Variants in DPP6 observed in about 807,000 individuals in gnomAD.
The protein encoded by DPP6 is A-type potassium channel modulatory protein DPP6.
DPP6 carries 69 observed loss-of-function variants against 122.6 expected under a neutral mutation model. The observed-to-expected ratio is 0.56, with a 90% CI of 0.46 to 0.69. The LOEUF (loss-of-function observed/expected upper bound fraction) is 0.69. Among genes scored for constraint, DPP6 ranks in the 30% least tolerant of loss-of-function variants. The probability of loss-of-function intolerance (pLI) is 0.00; values close to 1 mark genes in which losing one functional copy is unlikely to be tolerated. For synonymous variants in DPP6, 418 were observed against 433.1 expected (o/e 0.97, Z 0.43); for missense variants, 928 against 1,116.9 (o/e 0.83, Z 2.41).
intron 1 of DPP6, among the ~76,000 whole-genome samples, chr7:154,099,155 A>C (rs7357236): frequency 0.063 from 9,539 of 152,226 alleles, 889 homozygotes; most frequent in African/African-American, 0.22. Flanking sequence ...GACTCAGTGG[A>C]AAATAGAGGA....
At chr7:154,880,985 T>C (rs986904276) in intron 21 of DPP6, 43 bp downstream of exon 21, 2 of 1,611,132 alleles carry the variant, frequency 1.2e-6, no homozygotes, top group Non-Finnish European at 1.7e-6. Context: ...TCAGTTCCAG[T>C]GTGGCCTGCA....
At chr7:153,920,470 G>A (rs916386196) in intron 1 of DPP6, among the ~76,000 whole-genome samples, 10 of 151,936 alleles carry the variant, frequency 6.6e-5, no homozygotes, top group Admixed American at 3.9e-4. Flanking sequence ...GGTTGCTGGA[G>A]GTACTGTTCC....
intron 2 of DPP6, among the ~76,000 whole-genome samples, chr7:154,451,808 T>C (rs1472298939): frequency 6.6e-6 from 1 of 152,218 alleles, no homozygotes; most frequent in Non-Finnish European, 1.5e-5. Flanking sequence ...GCTTCACCTT[T>C]TGGTTCTGCT....
chr7:154,346,887 C>T (rs1810443724), intron 1 of DPP6, among the ~76,000 whole-genome samples: 1 of 152,154 alleles, frequency 6.6e-6, no homozygotes, highest in Non-Finnish European at 1.5e-5. Flanking sequence ...ATCTACTAAT[C>T]TCAGTGAACT....
chr7:154,642,902 A>G (rs1311374734), intron 6 of DPP6, among the ~76,000 whole-genome samples: 1 of 152,184 alleles, frequency 6.6e-6, no homozygotes, highest in African/African-American at 2.4e-5. Flanking sequence ...ACTCCATCTC[A>G]AAAAAAGAAT....
intron 4 of DPP6, among the ~76,000 whole-genome samples, chr7:154,544,947 A>G (rs988131495): frequency 9.2e-5 from 14 of 152,198 alleles, no homozygotes; most frequent in African/African-American, 3.4e-4. Flanking sequence ...AGGCAGCAGT[A>G]GCAGACAGTG....
chr7:153,786,565 C>T, the DPP6 span, among the ~76,000 whole-genome samples: 1 of 151,224 alleles, frequency 6.6e-6, no homozygotes, highest in Admixed American at 6.6e-5. Flanking sequence ...CGTGAAACCC[C>T]GTCTCTACTG....
At chr7:153,862,601 A>G in the DPP6 span, among the ~76,000 whole-genome samples, 8 of 152,234 alleles carry the variant, frequency 5.3e-5, no homozygotes, top group African/African-American at 1.7e-4. Flanking sequence ...ATGCCTAAAC[A>G]TCTTTCTCCT....
Position 154,390,861 on chromosome 7 carries a change from A to G in DPP6, c.244-55353A>G, listed in dbSNP as rs886246989. ...CCCGACTACTCCTGTGCCCGTTGCC[A>G]TGCCATTTGTTGGATCACTTGCAGG... On this transcript the variant is annotated intron_variant, in intron 1 of 25. Coordinates refer to ENST00000377770, the MANE Select transcript of DPP6 (RefSeq NM_130797.4). 5.9e-5 allele frequency among the ~76,000 whole-genome samples: 9 copies of G among 152,094 alleles called. No individual in the cohort carries two copies. In the South Asian group the frequency reaches 1.5e-3, roughly 25 times the overall value.
chr7:153,854,446 T>C, the DPP6 span, among the ~76,000 whole-genome samples: 236 of 150,624 alleles, frequency 1.6e-3, 2 homozygotes, highest in Admixed American at 3.0e-3. Flanking sequence ...CAGACACTTC[T>C]CAAAAGAAGA....
intron 1 of DPP6, among the ~76,000 whole-genome samples, chr7:154,257,558 G>T (rs1345571172): frequency 1.3e-5 from 2 of 152,064 alleles, no homozygotes; most frequent in Non-Finnish European, 2.9e-5. Flanking sequence ...ATTAGTGGTT[G>T]TGGTGGCATG....
At chr7:154,204,851 T>C (rs922894953) in intron 1 of DPP6, among the ~76,000 whole-genome samples, 1 of 152,106 alleles carries the variant, frequency 6.6e-6, no homozygotes, top group Non-Finnish European at 1.5e-5. Flanking sequence ...TATATATGGA[T>C]ATATGTGTAC....
Position 153,964,140 on chromosome 7 carries a change from C to T in DPP6, c.51+76406C>T, listed in dbSNP as rs1024773957. Among the ~76,000 whole-genome samples, 9 of 152,096 alleles carry T rather than the reference C, an allele frequency of 5.9e-5. 1 individual carries two copies. The highest frequency in any genetic ancestry group is 4.1e-4 in the South Asian group (2 of 4,820). On this transcript the variant is annotated intron_variant, in intron 1 of 25. Transcript: ENST00000404039. ...CCTCCTGAGTAGCTAGGATTGCAGA[C>T]ACCCCCCACCACGCCTGGCCAATTT...
chr7:154,533,527 C>T (rs74770933), intron 3 of DPP6, among the ~76,000 whole-genome samples: 4,773 of 152,096 alleles, frequency 0.031, 250 homozygotes, highest in African/African-American at 0.11. Context: ...ATAATAAAAA[C>T]CCAACATAAA....
chr7:154,659,152 T>A (rs771856671), intron 6 of DPP6, among the ~76,000 whole-genome samples: 1 of 152,138 alleles, frequency 6.6e-6, no homozygotes, highest in Non-Finnish European at 1.5e-5. Context: ...AAAATATAGG[T>A]TCCTTTCATA....
intron 3 of DPP6, among the ~76,000 whole-genome samples, chr7:154,533,437 T>C (rs75860528): frequency 0.048 from 7,262 of 152,286 alleles, 299 homozygotes; most frequent in African/African-American, 0.11. Context: ...CTTGCATCTG[T>C]AATTTAAAGC....
At chr7:154,577,244 C>G (rs1281417896) in intron 5 of DPP6, among the ~76,000 whole-genome samples, 3 of 152,016 alleles carry the variant, frequency 2.0e-5, no homozygotes, top group African/African-American at 7.2e-5. Flanking sequence ...AAGGACCCCC[C>G]TGTCCATCTT....
intron 4 of DPP6, among the ~76,000 whole-genome samples, chr7:154,561,150 T>A (rs1403155477): frequency 6.6e-6 from 1 of 152,162 alleles, no homozygotes; most frequent in Non-Finnish European, 1.5e-5. Context: ...AATCCATAAT[T>A]TAAGTTGTAG....
intron 1 of DPP6, among the ~76,000 whole-genome samples, chr7:154,031,143 C>G (rs1441988016): frequency 6.6e-6 from 1 of 152,140 alleles, no homozygotes; most frequent in Non-Finnish European, 1.5e-5. Context: ...CTTCTTCACA[C>G]TGAAAGCCAC....
Sources: allele counts gnomAD v4.1 joint callset (sites outside exome capture counted in the v4.1 genomes callset), GRCh38; gene constraint gnomAD v4.1.1; transcripts MANE v1.5; gene names NCBI Gene and HGNC (gene_info 2026-07-23, HGNC 2026-07-21).